Variants in MORC3 observed in about 807,000 individuals in gnomAD.
MORC3 encodes the protein MORC family CW-type zinc finger protein 3.
MORC3 carries 31 observed loss-of-function variants against 109.1 expected under a neutral mutation model. That is an observed-to-expected ratio of 0.28 (90% CI 0.21 to 0.38). MORC3 has a LOEUF of 0.38. MORC3 is among the 10% of genes least tolerant of loss of function. The probability of loss-of-function intolerance (pLI) is 1.00; values close to 1 mark genes in which losing one functional copy is unlikely to be tolerated. For missense variants in MORC3, 867 were observed against 1,135.8 expected, an observed-to-expected ratio of 0.76 and a Z score of 3.40; for synonymous variants, 395 against 380.7, an observed-to-expected ratio of 1.04 and a Z score of -0.44.
At chr21:36,358,839 A>T (rs150093940) in intron 10 of MORC3, among the ~76,000 whole-genome samples, 1 of 151,818 alleles carries the variant, frequency 6.6e-6, no homozygotes, top group African/African-American at 2.4e-5. Context: ...GCCATCACGC[A>T]TGGCTTATTT....
chr21:36,360,810 G>C (rs562224186), intron 12 of MORC3: 25 of 152,944 alleles, frequency 1.6e-4, no homozygotes, highest in African/African-American at 5.1e-4. Flanking sequence ...GGGAATAATG[G>C]AAAATGGATG....
In MORC3 at chr21:36,375,389, C is replaced by T; in HGVS notation, c.*93C>T. On this transcript the variant is annotated 3_prime_UTR_variant, in exon 17 of 17. Coordinates refer to ENST00000400485, the MANE Select transcript of MORC3 (RefSeq NM_015358.3). ...AATTTTGTTTTATAGATATGATAGG[C>T]AACAGACTGAAAACCATAATCTTTA... is the stretch of plus-strand genomic sequence containing the variant. 8.7e-7 allele frequency: 1 copy of T among 1,155,794 alleles called. No homozygotes were observed. The highest frequency in any genetic ancestry group is 1.6e-5 in the African/African-American group (1 of 64,074). 71.6% of individuals were successfully genotyped at this position (1,155,794 alleles called of 1,614,324 possible).
At chr21:36,328,251 C>G (rs996251766) in intron 1 of MORC3, among the ~76,000 whole-genome samples, 4 of 151,154 alleles carry the variant, frequency 2.6e-5, no homozygotes, top group African/African-American at 9.7e-5. Context: ...TGTCCTGGTT[C>G]TTGGCACTGG....
At chr21:36,353,454 A>G (rs886838646) in intron 9 of MORC3, among the ~76,000 whole-genome samples, 1 of 151,766 alleles carries the variant, frequency 6.6e-6, no homozygotes, top group African/African-American at 2.4e-5. Flanking sequence ...GAAAGCACTG[A>G]ATCCTAGCCA....
chr21:36,341,391 T>C lies in MORC3; in HGVS notation c.609-8T>C. 6.3e-7 allele frequency: 1 copy of C among 1,596,692 alleles called. No homozygotes were observed. Among genetic ancestry groups the C allele is most frequent in the African/African-American group, 1.4e-5 (1 of 73,790 alleles). ...AATTTTGGTTCTTTCTAAAAATTAT[T>C]TTTACAGCTACAAAAATGCAACAGA... On this transcript the variant is annotated splice_region_variant and splice_polypyrimidine_tract_variant and intron_variant, in intron 5 of 16. Coordinates refer to ENST00000400485, the MANE Select transcript of MORC3 (RefSeq NM_015358.3).
At position 36,338,820 on chromosome 21, in the gene MORC3, T is replaced by G. The variant is rs568950052; in HGVS notation, c.507T>G (p.Ile169Met). ...AATCAAAAGCCAGCCTTGCTGCAAT[T>G]CTGGAACATTCTCTGTTTTCCACGG... Reference protein sequence around the residue: ...LAESKASLAAILEHSLFSTEQ... With the variant: ...LAESKASLAAMLEHSLFSTEQ... Residue 169 changes from isoleucine (I) to methionine (M), a missense_variant, in exon 5 of 17, where the codon ATT becomes ATG. Transcript: ENST00000400485. 1.9e-6 allele frequency: 3 copies of G among 1,613,904 alleles called. No individual in the cohort carries two copies. Among genetic ancestry groups the G allele is most frequent in the Non-Finnish European group, 2.5e-6 (3 of 1,179,932 alleles).
At position 36,333,644 on chromosome 21, in the gene MORC3, A is replaced by G. The variant is rs2085339495; in HGVS notation, c.40-2A>G. The G allele has an allele frequency of 6.2e-7, 1 of 1,611,290 alleles. No homozygotes were observed. The highest frequency in any genetic ancestry group is 8.5e-7 in the Non-Finnish European group (1 of 1,177,860). ...TTTACATGGACCTTTTGTTTGTTTC[A>G]GCTTTGCCCGAAGTTTTTACATACA... On this transcript the variant is annotated splice_acceptor_variant, in intron 1 of 16. Transcript: ENST00000400485. LOFTEE classifies it high-confidence loss of function.
intron 1 of MORC3, among the ~76,000 whole-genome samples, chr21:36,332,790 C>CTTTT (rs71197001): frequency 7.1e-6 from 1 of 139,878 alleles, no homozygotes; most frequent in African/African-American, 2.6e-5. Context: ...GGAACTCTTT[C>CTTTT]TTTTTTTTTT....
At chr21:36,372,661 G>T in intron 16 of MORC3, 130 bp downstream of exon 16, 2 of 915,346 alleles carry the variant, frequency 2.2e-6, no homozygotes, top group Non-Finnish European at 3.0e-6. Context: ...CTGTGACCCT[G>T]GTGTTATGAT....
At chr21:36,331,154 G>A (rs1167612797) in intron 1 of MORC3, among the ~76,000 whole-genome samples, 1 of 152,172 alleles carries the variant, frequency 6.6e-6, no homozygotes, top group Non-Finnish European at 1.5e-5. Flanking sequence ...TTGATCTACA[G>A]TCTAATCATA....
chr21:36,356,638 A>G lies in MORC3; in HGVS notation c.1122A>G (p.Leu374=), dbSNP rs2085648840. The G allele has an allele frequency of 2.5e-6, 4 of 1,596,268 alleles. No individual in the cohort carries two copies. Among genetic ancestry groups the G allele is most frequent in the Non-Finnish European group, 3.4e-6 (4 of 1,173,080 alleles). The change falls in exon 10 of 17, where the codon CTA becomes CTG. Residue 374 remains leucine (L), a synonymous_variant. Coordinates refer to ENST00000400485, the MANE Select transcript of MORC3 (RefSeq NM_015358.3). ...TTTTAAGACTTACAATAACAGCACT[A>G]GGAGAAAAGCTGAATGATTACTGGA... The part of the protein sequence containing the change: ...TNEYRLTITA[L]GEKLNDYWNE...
intron 5 of MORC3, chr21:36,339,203 T>C (rs2085408022): frequency 8.8e-6 from 2 of 227,052 alleles, no homozygotes; most frequent in African/African-American, 2.3e-5. Context: ...GACTGCAGCC[T>C]CCGCCTCCTA....
chr21:36,362,125 A>G (rs575789251), intron 12 of MORC3, 58 bp from the exon 13 acceptor site: 17 of 1,535,586 alleles, frequency 1.1e-5, no homozygotes, highest in Admixed American at 3.4e-5. Flanking sequence ...AATGGCAGGT[A>G]TGTCATTGGG....
At chr21:36,337,224 C>G (rs2085383737) in intron 3 of MORC3, among the ~76,000 whole-genome samples, 1 of 152,150 alleles carries the variant, frequency 6.6e-6, no homozygotes, top group Non-Finnish European at 1.5e-5. Flanking sequence ...CCCTAAAAGT[C>G]CACCATTCCT....
chr21:36,337,068 C>T, intron 3 of MORC3, 62 bp downstream of exon 3: 1 of 1,554,782 alleles, frequency 6.4e-7, no homozygotes, highest in South Asian at 1.2e-5. Flanking sequence ...TTTTCCATGC[C>T]ATACTTACTA....
intron 15 of MORC3, among the ~76,000 whole-genome samples, chr21:36,371,410 G>A (rs571237743): frequency 6.8e-6 from 1 of 146,548 alleles, no homozygotes; most frequent in South Asian, 2.3e-4. Flanking sequence ...TTTAATTACA[G>A]CCAACCTCCC....
intron 8 of MORC3, among the ~76,000 whole-genome samples, chr21:36,347,314 G>T (rs1211515409): frequency 6.6e-6 from 1 of 152,152 alleles, no homozygotes; most frequent in African/African-American, 2.4e-5. Context: ...TAGCATATTT[G>T]CAGAAGTAAA....
chr21:36,323,807 T>A (rs1159727042), intron 1 of MORC3, among the ~76,000 whole-genome samples: 1 of 152,152 alleles, frequency 6.6e-6, no homozygotes, highest in Non-Finnish European at 1.5e-5. Flanking sequence ...TCTCTTTTTT[T>A]ATTTACTGTC....
chr21:36,372,775 T>C (rs2085885100), intron 16 of MORC3, among the ~76,000 whole-genome samples: 1 of 152,292 alleles, frequency 6.6e-6, no homozygotes, highest in South Asian at 2.1e-4. Context: ...AGCATTTGAT[T>C]GGTCAGAGTG....
Sources: allele counts gnomAD v4.1 joint callset (sites outside exome capture counted in the v4.1 genomes callset), GRCh38; gene constraint gnomAD v4.1.1; transcripts MANE v1.5; gene names NCBI Gene and HGNC (gene_info 2026-07-23, HGNC 2026-07-21).